Variants in APLF observed in about 807,000 individuals in gnomAD.
The protein encoded by APLF is aprataxin and PNKP like factor, also known as aprataxin and PNK-like factor.
APLF carries 61 observed loss-of-function variants against 55.6 expected under a neutral mutation model. The observed-to-expected ratio is 1.10, with a 90% CI of 0.89 to 1.36. The LOEUF is 1.36. Among genes scored for constraint, APLF ranks in the 40% most tolerant of loss-of-function variants. The pLI is 0.00. For synonymous variants in APLF, 207 were observed against 214.8 expected (o/e 0.96, Z 0.32); for missense variants, 611 against 602.5 (o/e 1.01, Z -0.15).
chr2:68,471,147 C>T (rs2103869692), intron 1 of APLF, among the ~76,000 whole-genome samples: 1 of 152,284 alleles, frequency 6.6e-6, no homozygotes, highest in East Asian at 1.9e-4. Context: ...TCCATTTCGG[C>T]ATCTCAGCCT....
intron 8 of APLF, 34 bp from the exon 9 acceptor site, chr2:68,567,307 A>G (rs1425948586): frequency 6.3e-7 from 1 of 1,581,830 alleles, no homozygotes; most frequent in African/African-American, 1.4e-5. Flanking sequence ...TAGTAATTGG[A>G]AGACTAGCTC....
intron 8 of APLF, among the ~76,000 whole-genome samples, chr2:68,548,206 CAAG>C (rs1670758841): frequency 6.6e-6 from 1 of 151,492 alleles, no homozygotes; most frequent in African/African-American, 2.4e-5. Context: ...TTTTCTAAAA[CAAG>C]AAACAAAAAT....
At chr2:68,518,142 A>AT (rs1253083190) in intron 5 of APLF, among the ~76,000 whole-genome samples, 1 of 124,814 alleles carries the variant, frequency 8.0e-6, no homozygotes, top group Non-Finnish European at 1.6e-5. Flanking sequence ...TTAATATATA[A>AT]TAATATATTA....
chr2:68,556,384 C>A (rs1397594650), intron 8 of APLF, among the ~76,000 whole-genome samples: 1 of 152,160 alleles, frequency 6.6e-6, no homozygotes, highest in African/African-American at 2.4e-5. Flanking sequence ...AGGTATCTTG[C>A]CTGTCAACTA....
chr2:68,526,023 C>T (rs755177390), intron 5 of APLF, 38 bp from the exon 6 acceptor site: 89 of 1,531,796 alleles, frequency 5.8e-5, no homozygotes, highest in Non-Finnish European at 7.9e-5. Context: ...TTTGAAGATA[C>T]AGAAGATAAT....
rs1319075322 is a variant in APLF, at chr2:68,578,619, G to A, written c.*597G>A. ...TTCAACTAGGCTGTAGAAGAGAAAT[G>A]TTCACCATGTAGGGAATGTTATTTT... On this transcript the variant is annotated 3_prime_UTR_variant, in exon 10 of 10. Transcript: ENST00000303795. The A allele has an allele frequency of 5.1e-6, 5 of 985,180 alleles. No homozygotes were observed. Among genetic ancestry groups the A allele is most frequent in the Non-Finnish European group, 6.0e-6 (5 of 829,878 alleles). 61.0% of individuals were successfully genotyped at this position (985,180 alleles called of 1,614,324 possible).
At chr2:68,503,114 C>T (rs953086275) in intron 3 of APLF, among the ~76,000 whole-genome samples, 5 of 152,056 alleles carry the variant, frequency 3.3e-5, no homozygotes, top group African/African-American at 1.2e-4. Context: ...AAACATTTGA[C>T]TTTGGAAACT....
Position 68,513,475 on chromosome 2 carries a change from C to T in APLF, c.490-73C>T. On this transcript the variant is annotated intron_variant, in intron 4 of 9. Transcript: ENST00000303795. ...ATATGGGTATTTTAATGGTAGTATT[C>T]TGCAAAGCAGATATTTTGCAAATTC... is the stretch of plus-strand genomic sequence containing the variant. The T allele has an allele frequency of 2.0e-6, 3 of 1,518,470 alleles. No individual in the cohort carries two copies. In the South Asian group the frequency reaches 3.5e-5, roughly 18 times the overall value. 94.1% of individuals were successfully genotyped at this position (1,518,470 alleles called of 1,614,324 possible).
intron 5 of APLF, among the ~76,000 whole-genome samples, chr2:68,518,426 T>A (rs1333293472): frequency 9.8e-5 from 11 of 112,134 alleles, no homozygotes; most frequent in African/African-American, 3.0e-4. Context: ...ATATAATAAT[T>A]TATTATATAA....
intron 5 of APLF, among the ~76,000 whole-genome samples, chr2:68,517,438 T>C (rs992963843): frequency 1.0e-4 from 12 of 118,588 alleles, no homozygotes; most frequent in African/African-American, 5.0e-4. Flanking sequence ...AATATATCTA[T>C]ATATGTTATT....
chr2:68,476,315 G>A (rs944577531), intron 1 of APLF, among the ~76,000 whole-genome samples: 1 of 151,824 alleles, frequency 6.6e-6, no homozygotes, highest in Admixed American at 6.6e-5. Context: ...GTGAAACCCT[G>A]TCTGTACCAA....
intron 9 of APLF, among the ~76,000 whole-genome samples, chr2:68,568,832 T>G (rs1251626549): frequency 6.6e-6 from 1 of 152,116 alleles, no homozygotes; most frequent in East Asian, 1.9e-4. Context: ...TGAAAAGCAT[T>G]TTTAATAGAA....
At chr2:68,518,943 TATA>T (rs1363986897) in intron 5 of APLF, among the ~76,000 whole-genome samples, 65 of 124,052 alleles carry the variant, frequency 5.2e-4, no homozygotes, top group African/African-American at 1.9e-3. Flanking sequence ...TAATATATTA[TATA>T]ATATTATTAA....
chr2:68,475,971 C>CT lies in APLF; in HGVS notation c.96+8154dup, dbSNP rs974521437. Among the ~76,000 whole-genome samples the CT allele has an allele frequency of 1.6e-3, 234 of 145,118 alleles. 1 individual carries two copies. Among genetic ancestry groups the CT allele is most frequent in the African/African-American group, 4.0e-3 (157 of 39,450 alleles). On this transcript the variant is annotated intron_variant, in intron 1 of 9. Coordinates refer to ENST00000303795, the MANE Select transcript of APLF (RefSeq NM_173545.3). ...AATTATGTCTAAAATAGATCCCATG[C>CT]TTTTTTTTTTAGGTTTATGCATTTC...
chr2:68,491,670 G>T (rs1482471034), intron 2 of APLF, among the ~76,000 whole-genome samples: 1 of 152,144 alleles, frequency 6.6e-6, no homozygotes. Flanking sequence ...GTGCAGTTTT[G>T]TTACATGATT....
At chr2:68,572,095 C>T (rs6546419) in intron 9 of APLF, among the ~76,000 whole-genome samples, 7,620 of 152,072 alleles carry the variant, frequency 0.05, 520 homozygotes, top group African/African-American at 0.15. Context: ...AGAAAGAAAA[C>T]TATTAAGGAG....
chr2:68,579,497 A>G lies in APLF; in HGVS notation c.*1475A>G, dbSNP rs1177883079. Reference sequence around the variant, plus strand: ...CACATAAAAACTGTACACAATGTCAATAGAAGCATTATTCTTAACAGCCAA... The same window carrying G: ...CACATAAAAACTGTACACAATGTCAGTAGAAGCATTATTCTTAACAGCCAA... On this transcript the variant is annotated 3_prime_UTR_variant, in exon 10 of 10. Transcript: ENST00000303795. 2.7e-6 allele frequency: 2 copies of G among 730,756 alleles called. No homozygotes were observed. The highest frequency in any genetic ancestry group is 1.7e-6 in the Non-Finnish European group (1 of 597,742). The allele number at this position is 730,756 out of a possible 1,614,324, so 45.3% of individuals were successfully genotyped here.
chr2:68,568,612 A>G (rs1053458172), intron 9 of APLF, among the ~76,000 whole-genome samples: 1 of 152,152 alleles, frequency 6.6e-6, no homozygotes, highest in Non-Finnish European at 1.5e-5. Flanking sequence ...ATTGTTGACA[A>G]ATTATAGCAT....
At chr2:68,539,603 G>C (rs1230946757) in intron 7 of APLF, among the ~76,000 whole-genome samples, 1 of 152,124 alleles carries the variant, frequency 6.6e-6, no homozygotes, top group Admixed American at 6.5e-5. Flanking sequence ...TATGAATTTT[G>C]GGAGGTGGGG....
Sources: gnomAD v4.1 joint callset for allele counts (sites outside exome capture counted in the v4.1 genomes callset) on GRCh38, gnomAD v4.1.1 for gene constraint, MANE v1.5 for transcripts, NCBI Gene and HGNC (gene_info 2026-07-23, HGNC 2026-07-21) for gene names.